The following ALG12 variants were observed in gnomAD, a reference collection of about 807,000 sequenced individuals.
ALG12 encodes the protein dol-P-Man:Man(7)GlcNAc(2)-PP-Dol alpha-1,6-mannosyltransferase.
ALG12 carries 36 observed loss-of-function variants against 46.0 expected under a neutral mutation model. The ratio of observed to expected loss-of-function variants is 0.78; its 90% CI spans 0.60 to 1.03. The LOEUF (loss-of-function observed/expected upper bound fraction) is 1.03. Among genes scored for constraint, ALG12 ranks in the 50% least tolerant of loss-of-function variants. The pLI is 0.00. For synonymous variants in ALG12, 326 were observed against 291.6 expected, an observed-to-expected ratio of 1.12 and a Z score of -1.20; for missense variants, 599 against 633.5, an observed-to-expected ratio of 0.95 and a Z score of 0.58.
the ALG12 span, among the ~76,000 whole-genome samples, chr22:49,863,593 C>G: frequency 0.045 from 6,722 of 151,012 alleles, 332 homozygotes; most frequent in African/African-American, 0.13. Context: ...CGCCACCGCA[C>G]TCCAGCCTGG....
In ALG12 at chr22:49,912,111, C is replaced by T. The variant is rs1054782432; in HGVS notation, c.295+1274G>A. 9.1e-4 allele frequency among the ~76,000 whole-genome samples: 137 copies of T among 150,888 alleles called. 1 individual carries two copies. The highest frequency in any genetic ancestry group is 1.0e-3 in the Non-Finnish European group (68 of 67,700). On this transcript the variant is annotated intron_variant, in intron 3 of 9. Coordinates refer to ENST00000330817, the MANE Select transcript of ALG12 (RefSeq NM_024105.4). ...TCGGCCCCGGGATCACCCTCGGCCCCGGGATCAGCCTGGCCCCAGGATCAC... is the reference window on the plus strand; with the variant it reads ...TCGGCCCCGGGATCACCCTCGGCCCTGGGATCAGCCTGGCCCCAGGATCAC...
intron 5 of ALG12, 64 bp downstream of exon 5, chr22:49,909,830 T>C (rs2060564898): frequency 6.2e-7 from 1 of 1,604,872 alleles, no homozygotes; most frequent in South Asian, 1.1e-5. Context: ...CAAATTTCTC[T>C]TGACCTTTGT....
At chr22:49,868,887 G>A in the ALG12 span, among the ~76,000 whole-genome samples, 7 of 151,274 alleles carry the variant, frequency 4.6e-5, no homozygotes, top group African/African-American at 9.7e-5. Flanking sequence ...CAAGGCAGGC[G>A]GATCACCTGA....
chr22:49,868,833 C>T, the ALG12 span, among the ~76,000 whole-genome samples: 5 of 151,502 alleles, frequency 3.3e-5, no homozygotes, highest in African/African-American at 9.7e-5. Context: ...GGATGCAGGC[C>T]GGGCGCAATG....
chr22:49,916,474 G>A (rs1054290882), intron 1 of ALG12, among the ~76,000 whole-genome samples: 1 of 152,036 alleles, frequency 6.6e-6, no homozygotes, highest in African/African-American at 2.4e-5. Flanking sequence ...CCAACTACTT[G>A]GAAGGCAGAG....
chr22:49,910,672 T>C, intron 3 of ALG12, 65 bp from the exon 4 acceptor site: 1 of 1,579,336 alleles, frequency 6.3e-7, no homozygotes, highest in Middle Eastern at 1.7e-4. Flanking sequence ...GCCCCCTACG[T>C]GGGTCCTTCT....
chr22:49,904,036 C>G lies in ALG12; in HGVS notation c.1269G>C (p.Gly423=). The stretch of plus-strand genomic sequence containing the variant: ...TGTGTGTGTATGCCAGCATGCCTGT[C>G]CCCGGCTGCACATCCTCCCTCTTGT... ...RYDKREDVQP[G]TGMLAYTHIL... Residue 423 remains glycine, a synonymous_variant, in exon 10 of 10, where the codon GGG becomes GGC. Coordinates refer to ENST00000330817, the MANE Select transcript of ALG12 (RefSeq NM_024105.4). 6.2e-7 allele frequency: 1 copy of G among 1,614,188 alleles called. No homozygotes were observed. Among genetic ancestry groups the G allele is most frequent in the Non-Finnish European group, 8.5e-7 (1 of 1,180,004 alleles).
At chr22:49,880,404 C>T in the ALG12 span, among the ~76,000 whole-genome samples, 43 of 152,310 alleles carry the variant, frequency 2.8e-4, 2 homozygotes, top group East Asian at 8.3e-3. Flanking sequence ...CTCTCCCGCG[C>T]TCGGGACATG....
At chr22:49,864,334 A>G in the ALG12 span, among the ~76,000 whole-genome samples, 3 of 152,206 alleles carry the variant, frequency 2.0e-5, no homozygotes, top group Non-Finnish European at 4.4e-5. Flanking sequence ...CAAAATAACA[A>G]TGGCAGTACA....
At chr22:49,873,689 TGAG>T in the ALG12 span, among the ~76,000 whole-genome samples, 1 of 112,474 alleles carries the variant, frequency 8.9e-6, no homozygotes, top group African/African-American at 9.3e-5. Context: ...TGCGGTGATA[TGAG>T]GTGATATGAG....
intron 7 of ALG12, among the ~76,000 whole-genome samples, chr22:49,907,021 G>A (rs1315758766): frequency 6.6e-6 from 1 of 152,086 alleles, no homozygotes; most frequent in Non-Finnish European, 1.5e-5. Context: ...GCTGCCTGCA[G>A]TCCCTCCCCG....
the ALG12 span, among the ~76,000 whole-genome samples, chr22:49,873,671 A>G: frequency 1.6e-3 from 237 of 143,996 alleles, 2 homozygotes; most frequent in Non-Finnish European, 2.1e-4. Flanking sequence ...AAGAGCAGTA[A>G]AGCGAGGTGC....
At chr22:49,886,668 C>T in the ALG12 span, 21 of 1,609,978 alleles carry the variant, frequency 1.3e-5, no homozygotes, top group Admixed American at 8.4e-5. This position sits in a 1 kb window ranked among gnomAD's most constrained non-coding sequence, Gnocchi z 7.7. Context: ...ACCCGCGGTA[C>T]GTCTTCGCCA....
At chr22:49,874,672 CTTTTTTTTTTTTTT>C in the ALG12 span, among the ~76,000 whole-genome samples, 23 of 37,318 alleles carry the variant, frequency 6.2e-4, no homozygotes, top group African/African-American at 2.2e-3. Flanking sequence ...CATGCCCAGC[CTTTTTTTTTTTTTT>C]TTTTTTTTTT....
chr22:49,899,477 C>CA (rs944680417), downstream of ALG12, among the ~76,000 whole-genome samples: 670 of 112,270 alleles, frequency 6.0e-3, 5 homozygotes, highest in African/African-American at 0.015. Context: ...GACTCCATCT[C>CA]AAAAAAAAAA....
At chr22:49,898,009 T>C (rs547324786), downstream of ALG12, among the ~76,000 whole-genome samples, 5 of 151,980 alleles carry the variant, frequency 3.3e-5, no homozygotes, top group East Asian at 7.7e-4. Context: ...TTTGTATATA[T>C]TGGATACCAG....
At chr22:49,886,991 C>G in the ALG12 span, 1 of 1,614,138 alleles carries the variant, frequency 6.2e-7, no homozygotes, top group South Asian at 1.1e-5. The surrounding 1 kb of genome is among the most constrained non-coding windows in gnomAD (Gnocchi z 7.7). Flanking sequence ...AAGAAGGCGT[C>G]CTGGCCGGGG....
At chr22:49,887,337 C>T in the ALG12 span, 1 of 685,328 alleles carries the variant, frequency 1.5e-6, no homozygotes, top group African/African-American at 1.8e-5. Context: ...CGTGCCTTAC[C>T]CCTTCTCCTT....
At position 49,913,734 on chromosome 22, in the gene ALG12, G is replaced by A. The variant is rs1486675064; in HGVS notation, c.32C>T (p.Pro11Leu). Reference protein sequence around the residue: MAGKGSSGRRPLLLGLLVAVA... With the variant: MAGKGSSGRRLLLLGLLVAVA... Reference sequence around the variant, plus strand: ...GGCCACCAGCAGCCCCAGCAGCAGGGGCCGCCTGCCTGATGACCCCTTTCC... The same window carrying A: ...GGCCACCAGCAGCCCCAGCAGCAGGAGCCGCCTGCCTGATGACCCCTTTCC... Residue 11 changes from proline (P) to leucine (L), a missense_variant, in exon 2 of 10, where the codon CCC (proline) becomes CTC (leucine). By Grantham distance (98) the Pro-to-Leu change is moderately conservative (BLOSUM62 -3). Coordinates refer to ENST00000330817, the MANE Select transcript of ALG12 (RefSeq NM_024105.4). 1 of 1,613,780 alleles carries A rather than the reference G, an allele frequency of 6.2e-7. No individual in the cohort carries two copies. Among genetic ancestry groups the A allele is most frequent in the Non-Finnish European group, 8.5e-7 (1 of 1,180,030 alleles).
Sources: gnomAD v4.1 joint callset for allele counts (sites outside exome capture counted in the v4.1 genomes callset) on GRCh38, gnomAD v4.1.1 for gene constraint, Gnocchi (gnomAD v3.1) non-coding constraint, MANE v1.5 for transcripts, NCBI Gene and HGNC (gene_info 2026-07-23, HGNC 2026-07-21) for gene names.